The following ZNF841 variants were observed in gnomAD, a reference collection of about 807,000 sequenced individuals.
ZNF841 encodes the protein zinc finger protein 841.
A neutral mutation model predicts 13.0 loss-of-function variants in ZNF841; 11 were observed. The observed-to-expected ratio is 0.85, with a 90% confidence interval of 0.53 to 1.40. ZNF841 has a LOEUF of 1.40. ZNF841 is among the 40% of genes most tolerant of loss of function. The probability of loss-of-function intolerance (pLI) is 0.00; values close to 1 mark genes in which losing one functional copy is unlikely to be tolerated. For missense variants in ZNF841, 1,068 were observed against 1,139.5 expected (o/e 0.94, Z 0.90); for synonymous variants, 369 against 381.6 (o/e 0.97, Z 0.38).
intron 3 of ZNF841, among the ~76,000 whole-genome samples, chr19:52,088,456 A>G (rs144368492): frequency 6.4e-4 from 98 of 152,318 alleles, no homozygotes; most frequent in African/African-American, 2.2e-3. Flanking sequence ...CTATTAGTCT[A>G]TTTTATCACT....
chr19:52,093,221 T>A (rs937411414), intron 2 of ZNF841, among the ~76,000 whole-genome samples: 1 of 152,174 alleles, frequency 6.6e-6, no homozygotes, highest in Non-Finnish European at 1.5e-5. Flanking sequence ...CATGAATAAA[T>A]ATGTGTGTAT....
downstream of ZNF841, among the ~76,000 whole-genome samples, chr19:52,060,732 T>C (rs1462201613): frequency 1.3e-5 from 2 of 152,106 alleles, no homozygotes; most frequent in Non-Finnish European, 2.9e-5. Flanking sequence ...CTGATCCCTA[T>C]GTGTGATGCA....
downstream of ZNF841, among the ~76,000 whole-genome samples, chr19:52,063,327 A>T (rs1600072018): frequency 6.6e-6 from 1 of 151,958 alleles, no homozygotes; most frequent in African/African-American, 2.4e-5. Context: ...AAATTCTCTC[A>T]AACTCCAAAA....
chr19:52,092,276 TA>T (rs1422583993), intron 2 of ZNF841, among the ~76,000 whole-genome samples: 6 of 152,134 alleles, frequency 3.9e-5, no homozygotes, highest in Non-Finnish European at 5.9e-5. Flanking sequence ...CCAAAATATA[TA>T]AAAACTCCTA....
At position 52,076,707 on chromosome 19, in the gene ZNF841, T is replaced by A. The variant is rs187123426; in HGVS notation, c.142+251A>T. On this transcript the variant is annotated intron_variant, in intron 5 of 6. Coordinates refer to ENST00000594440, the MANE Select transcript of ZNF841 (RefSeq NM_001136499.2). ...AACAGGAAGAACAGGGAATTGGATATATTAACTCCGCCATAAGGTTTTACA... is the reference window on the plus strand; with the variant it reads ...AACAGGAAGAACAGGGAATTGGATAAATTAACTCCGCCATAAGGTTTTACA... Among the ~76,000 whole-genome samples, 3 of 149,078 alleles carry A rather than the reference T, an allele frequency of 2.0e-5. No individual in the cohort carries two copies. The East Asian group carries it at 5.9e-4, about 29-fold the overall frequency.
chr19:52,066,458 T>C lies in ZNF841; in HGVS notation c.1424A>G (p.His475Arg). The C allele has an allele frequency of 6.2e-7, 1 of 1,614,064 alleles. No individual in the cohort carries two copies. The highest frequency in any genetic ancestry group is 1.1e-5 in the South Asian group (1 of 91,070). Residue 475 changes from histidine to arginine, a missense_variant, in exon 7 of 7, where the codon CAC (histidine) becomes CGC (arginine). By Grantham distance (29) the His-to-Arg change is conservative (BLOSUM62 0). Coordinates refer to ENST00000594440, the MANE Select transcript of ZNF841 (RefSeq NM_001136499.2). ...VFFQRSRLAG[H>R]RRIHTGEKPY... The stretch of plus-strand genomic sequence containing the variant: ...TTTCTCTCCAGTATGAATTCTCCGG[T>C]GCCCTGCAAGACGTGAACGTTGAAA...
chr19:52,064,352 C>CAAAAAAAAAAAAAAAA (rs1568532352), downstream of ZNF841: 10 of 48,970 alleles, frequency 2.0e-4, 1 homozygote, highest in South Asian at 1.1e-3. Context: ...GACTCCGTCT[C>CAAAAAAAAAAAAAAAA]CAAAAAAAAA....
At chr19:52,062,520 G>C (rs900966599), downstream of ZNF841, among the ~76,000 whole-genome samples, 6 of 152,082 alleles carry the variant, frequency 3.9e-5, no homozygotes, top group South Asian at 1.2e-3. Context: ...AGAAAACATG[G>C]ATATGAAGGA....
intron 4 of ZNF841, among the ~76,000 whole-genome samples, chr19:52,081,461 A>G (rs1187004543): frequency 6.6e-6 from 1 of 152,242 alleles, no homozygotes; most frequent in East Asian, 1.9e-4. Context: ...GTTAAAAGAT[A>G]GCACACACAG....
chr19:52,090,630 A>AGAAGGAAGGAGG (rs2088440572), intron 2 of ZNF841, among the ~76,000 whole-genome samples: 10 of 90,562 alleles, frequency 1.1e-4, no homozygotes, highest in African/African-American at 4.6e-4. Flanking sequence ...AAAGAAAGAA[A>AGAAGGAAGGAGG]GAAGGAAGGA....
chr19:52,066,300 G>T lies in ZNF841; in HGVS notation c.1582C>A (p.Leu528Ile). The T allele has an allele frequency of 6.2e-7, 1 of 1,613,924 alleles. No homozygotes were observed. Among genetic ancestry groups the T allele is most frequent in the East Asian group, 2.2e-5 (1 of 44,870 alleles). The part of the protein sequence containing the change: ...CGKAFNWGSL[L>I]TVHQRIHTGE... ...GTATGAATTCTCTGATGTACAGTTA[G>T]TAATGAGCCCCAATTAAAGGCTTTG... The change falls in exon 7 of 7, where the codon CTA becomes ATA. Residue 528 changes from leucine (L) to isoleucine (I), a missense_variant. Physicochemically the swap from Leu to Ile is conservative, Grantham distance 5. Transcript: ENST00000594440.
At chr19:52,084,043 C>T (rs910928335) in intron 4 of ZNF841, among the ~76,000 whole-genome samples, 9 of 151,894 alleles carry the variant, frequency 5.9e-5, no homozygotes, top group Admixed American at 2.6e-4. Context: ...CAGAATTTGG[C>T]TCCATCTTCT....
intron 6 of ZNF841, among the ~76,000 whole-genome samples, chr19:52,073,084 C>CA (rs1174847829): frequency 6.0e-5 from 9 of 149,994 alleles, no homozygotes; most frequent in South Asian, 2.1e-4. Context: ...CCTTGATAGT[C>CA]AAAAAAAAAT....
chr19:52,070,330 A>G (rs938875722), intron 6 of ZNF841, among the ~76,000 whole-genome samples: 5 of 152,156 alleles, frequency 3.3e-5, no homozygotes, highest in African/African-American at 1.2e-4. Context: ...AAGAGACAAA[A>G]GAGTATATTT....
intron 3 of ZNF841, among the ~76,000 whole-genome samples, chr19:52,085,198 G>A (rs1302949753): frequency 6.6e-6 from 1 of 152,150 alleles, no homozygotes; most frequent in Admixed American, 6.5e-5. Context: ...GTGGATCACA[G>A]GCTGAGCTCA....
intron 6 of ZNF841, among the ~76,000 whole-genome samples, chr19:52,075,525 G>C (rs1311475144): frequency 6.6e-6 from 1 of 152,172 alleles, no homozygotes; most frequent in African/African-American, 2.4e-5. Context: ...CAGGCAGAGA[G>C]GGCTGAAGAT....
downstream of ZNF841, chr19:52,064,383 A>C (rs556038166): frequency 3.4e-5 from 5 of 147,810 alleles, no homozygotes; most frequent in Middle Eastern, 3.2e-3. Flanking sequence ...AAAAAAAAAA[A>C]AAAAAACTTA....
chr19:52,074,862 A>C (rs774288529), intron 6 of ZNF841, among the ~76,000 whole-genome samples: 1 of 152,130 alleles, frequency 6.6e-6, no homozygotes, highest in Non-Finnish European at 1.5e-5. Flanking sequence ...AAAAAAGAGG[A>C]CCATTAGTAT....
chr19:52,094,024 C>A (rs2088591748), intron 1 of ZNF841, 53 bp from the exon 2 acceptor site: 2 of 151,298 alleles, frequency 1.3e-5, no homozygotes, highest in Admixed American at 6.6e-5. Flanking sequence ...AGAACAAAGC[C>A]AAAAAAAACA....
Sources: allele counts gnomAD v4.1 joint callset (sites outside exome capture counted in the v4.1 genomes callset), GRCh38; gene constraint gnomAD v4.1.1; transcripts MANE v1.5; gene names NCBI Gene and HGNC (gene_info 2026-07-23, HGNC 2026-07-21).